The following DLD variants were observed in gnomAD, a reference collection of about 807,000 sequenced individuals.
DLD encodes dihydrolipoyl dehydrogenase, mitochondrial.
Under a neutral mutation model 62.2 loss-of-function variants are expected in DLD, and 36 were observed. That is an observed-to-expected ratio of 0.58 (90% CI 0.44 to 0.76). The LOEUF (loss-of-function observed/expected upper bound fraction) is 0.76, where lower values mean the gene tolerates loss of function less well. Among genes scored for constraint, DLD ranks in the 30% least tolerant of loss-of-function variants. The pLI, the probability that DLD is intolerant of heterozygous loss-of-function variation, is 0.00. For synonymous variants in DLD, 204 were observed against 199.6 expected, an observed-to-expected ratio of 1.02 and a Z score of -0.19; for missense variants, 541 against 608.6, an observed-to-expected ratio of 0.89 and a Z score of 1.17.
At chr7:107,906,681 T>A (rs2032016726) in intron 8 of DLD, among the ~76,000 whole-genome samples, 1 of 152,224 alleles carries the variant, frequency 6.6e-6, no homozygotes, top group Non-Finnish European at 1.5e-5. Context: ...CTGGGCAAAT[T>A]GCATTCCAAA....
intron 2 of DLD, among the ~76,000 whole-genome samples, chr7:107,894,766 C>A (rs1584456741): frequency 6.6e-6 from 1 of 152,160 alleles, no homozygotes; most frequent in East Asian, 1.9e-4. Flanking sequence ...TTTGGTGATC[C>A]CTTGACATTG....
intron 8 of DLD, 21 bp from the exon 9 acceptor site, chr7:107,915,485 G>GT (rs759170630): frequency 3.7e-6 from 6 of 1,612,492 alleles, no homozygotes; most frequent in Admixed American, 1.7e-5. Context: ...TGATTATTGG[G>GT]TTTTTTTAAT....
At chr7:107,913,049 T>C (rs538828557) in intron 8 of DLD, among the ~76,000 whole-genome samples, 1 of 152,228 alleles carries the variant, frequency 6.6e-6, no homozygotes, top group South Asian at 2.1e-4. Flanking sequence ...CATTTATCGA[T>C]GAGACTGCCT....
chr7:107,914,919 T>A lies in DLD; in HGVS notation c.685-587T>A, dbSNP rs114931294. 3.7e-3 allele frequency among the ~76,000 whole-genome samples: 570 copies of A among 152,288 alleles called. 6 individuals are homozygous for A. The highest frequency in any genetic ancestry group is 0.013 in the African/African-American group (546 of 41,542). Reference sequence around the variant, plus strand: ...TTGAGAAAAGAAAATAGGAAGCCAGTTTAATATTCTGCAAACATCAGTGAT... The same window carrying A: ...TTGAGAAAAGAAAATAGGAAGCCAGATTAATATTCTGCAAACATCAGTGAT... On this transcript the variant is annotated intron_variant, in intron 8 of 13. Transcript: ENST00000205402.
At chr7:107,910,768 C>G (rs1321120521) in intron 8 of DLD, among the ~76,000 whole-genome samples, 1 of 152,106 alleles carries the variant, frequency 6.6e-6, no homozygotes, top group Admixed American at 6.5e-5. Flanking sequence ...TTAGTAAGCT[C>G]TAAGTAAGTG....
chr7:107,908,969 A>G (rs1338063390), intron 8 of DLD, among the ~76,000 whole-genome samples: 1 of 152,146 alleles, frequency 6.6e-6, no homozygotes, highest in Non-Finnish European at 1.5e-5. Context: ...TTTGTCATCA[A>G]CCTTTGGATC....
At chr7:107,900,334 TA>T (rs1192304948) in intron 2 of DLD, among the ~76,000 whole-genome samples, 9 of 152,148 alleles carry the variant, frequency 5.9e-5, no homozygotes, top group African/African-American at 2.2e-4. Context: ...TGATGCAAAT[TA>T]AAATAGTCTT....
intron 8 of DLD, among the ~76,000 whole-genome samples, chr7:107,910,612 A>G (rs1166143797): frequency 2.6e-5 from 4 of 151,842 alleles, no homozygotes; most frequent in Non-Finnish European, 4.4e-5. Context: ...TTGAATTTCA[A>G]CTCTGCCTCT....
chr7:107,907,870 A>G (rs570921969), intron 8 of DLD, among the ~76,000 whole-genome samples: 1 of 152,352 alleles, frequency 6.6e-6, no homozygotes, highest in East Asian at 1.9e-4. Flanking sequence ...AGAGTTGTCC[A>G]TGCTTTATTT....
At position 107,916,478 on chromosome 7, in the gene DLD, GCC is replaced by G. The variant is rs2032271782; in HGVS notation, c.876-315_876-314del. On this transcript the variant is annotated intron_variant, in intron 9 of 13. Transcript: ENST00000205402. Reference sequence around the variant, plus strand: ...TCATGAAGTCAAGAGATCAAGACCAGCCTGGCAACATGGTGAAACCCCGTCTC... The same window carrying G: ...TCATGAAGTCAAGAGATCAAGACCAGTGGCAACATGGTGAAACCCCGTCTC... Among the ~76,000 whole-genome samples the G allele has an allele frequency of 3.9e-5, 6 of 152,196 alleles. No homozygotes were observed. In the South Asian group the frequency reaches 1.0e-3, roughly 26 times the overall value.
intron 6 of DLD, 54 bp from the exon 7 acceptor site, chr7:107,905,307 T>G: frequency 6.5e-7 from 1 of 1,541,084 alleles, no homozygotes. Flanking sequence ...TTTGAATGAT[T>G]TATCAAACAA....
At chr7:107,907,804 CCTT>C (rs1429670636) in intron 8 of DLD, among the ~76,000 whole-genome samples, 4 of 152,214 alleles carry the variant, frequency 2.6e-5, no homozygotes, top group Non-Finnish European at 5.9e-5. Context: ...GGTCCCATGT[CCTT>C]CTTGAGTTAC....
chr7:107,919,336 C>G lies in DLD; in HGVS notation c.*77C>G. The G allele has an allele frequency of 1.7e-6, 2 of 1,170,386 alleles. No individual in the cohort carries two copies. The highest frequency in any genetic ancestry group is 2.5e-6 in the Non-Finnish European group (2 of 803,452). 72.5% of individuals were successfully genotyped at this position (1,170,386 alleles called of 1,614,324 possible). ...AAGTCACATTCCTGAACAGGATATT[C>G]TCACAGCTCCAAGAATTTCTAGGAC... On this transcript the variant is annotated 3_prime_UTR_variant, in exon 14 of 14. Transcript: ENST00000205402.
chr7:107,903,651 G>A (rs1300678934), intron 5 of DLD, 104 bp downstream of exon 5: 2 of 641,256 alleles, frequency 3.1e-6, no homozygotes, highest in Non-Finnish European at 5.6e-6. Flanking sequence ...GATGTTTAGT[G>A]AAGGAAGAGT....
chr7:107,917,058 T>G, intron 10 of DLD, 94 bp downstream of exon 10: 2 of 1,337,846 alleles, frequency 1.5e-6, no homozygotes, highest in South Asian at 2.5e-5. Flanking sequence ...AAATATGTAT[T>G]GGCTTTGGGG....
intron 2 of DLD, among the ~76,000 whole-genome samples, chr7:107,901,102 A>T (rs1166358266): frequency 6.6e-6 from 1 of 152,144 alleles, no homozygotes; most frequent in Non-Finnish European, 1.5e-5. Context: ...AAAATTATCA[A>T]TATGCAAGTA....
intron 7 of DLD, among the ~76,000 whole-genome samples, chr7:107,906,019 T>C (rs2031997515): frequency 6.6e-6 from 1 of 152,222 alleles, no homozygotes; most frequent in Non-Finnish European, 1.5e-5. Context: ...AAGTCATCTC[T>C]GGATTACTTA....
chr7:107,912,692 G>A (rs1390863707), intron 8 of DLD, among the ~76,000 whole-genome samples: 1 of 151,896 alleles, frequency 6.6e-6, no homozygotes, highest in Non-Finnish European at 1.5e-5. Context: ...AGCTCCTTAT[G>A]TATTCTGATT....
chr7:107,911,577 C>T (rs2032141560), intron 8 of DLD, among the ~76,000 whole-genome samples: 1 of 152,104 alleles, frequency 6.6e-6, no homozygotes, highest in African/African-American at 2.4e-5. Context: ...TCCATACAAT[C>T]CCACCAGCAA....
Sources: allele counts gnomAD v4.1 joint callset (sites outside exome capture counted in the v4.1 genomes callset), GRCh38; gene constraint gnomAD v4.1.1; transcripts MANE v1.5; gene names NCBI Gene and HGNC (gene_info 2026-07-23, HGNC 2026-07-21).